The following FSHR variants were observed in gnomAD, a reference collection of about 807,000 sequenced individuals.
FSHR encodes follicle stimulating hormone receptor.
A neutral mutation model predicts 52.1 loss-of-function variants in FSHR; 46 were observed. The ratio of observed to expected loss-of-function variants is 0.88; its 90% CI spans 0.70 to 1.13. The LOEUF (loss-of-function observed/expected upper bound fraction) is 1.13. FSHR is among the 50% of genes most tolerant of loss of function. The pLI is 0.00. For synonymous variants in FSHR, 399 were observed against 309.6 expected, an observed-to-expected ratio of 1.29 and a Z score of -3.03; for missense variants, 964 against 834.6, an observed-to-expected ratio of 1.16 and a Z score of -1.91.
intron 2 of FSHR, among the ~76,000 whole-genome samples, chr2:49,054,858 A>T (rs1669000859): frequency 6.6e-6 from 1 of 152,102 alleles, no homozygotes; most frequent in Non-Finnish European, 1.5e-5. Context: ...TCACCAAAAC[A>T]ACACCCCAAG....
At chr2:48,969,753 G>T (rs1674653823) in intron 8 of FSHR, among the ~76,000 whole-genome samples, 1 of 152,216 alleles carries the variant, frequency 6.6e-6, no homozygotes, top group Non-Finnish European at 1.5e-5. Context: ...CAAATGACCA[G>T]TTTAACCAGG....
At chr2:48,966,090 T>G (rs1439163255) in intron 9 of FSHR, among the ~76,000 whole-genome samples, 1 of 152,076 alleles carries the variant, frequency 6.6e-6, no homozygotes, top group African/African-American at 2.4e-5. Flanking sequence ...TCTCTGAGCC[T>G]TAGTTTCTGT....
intron 1 of FSHR, among the ~76,000 whole-genome samples, chr2:49,108,304 C>A (rs959626977): frequency 6.6e-6 from 1 of 152,110 alleles, no homozygotes; most frequent in African/African-American, 2.4e-5. Flanking sequence ...GATTGTGAGA[C>A]TTCTCAGCCT....
chr2:49,014,859 T>C (rs1483843855), intron 4 of FSHR: 1 of 462,988 alleles, frequency 2.2e-6, no homozygotes, highest in Non-Finnish European at 4.4e-6. Context: ...TGCCTCTTCA[T>C]GTCCTAGAGA....
At chr2:49,037,151 C>G (rs1257187392) in intron 2 of FSHR, among the ~76,000 whole-genome samples, 2 of 152,134 alleles carry the variant, frequency 1.3e-5, no homozygotes, top group African/African-American at 2.4e-5. Flanking sequence ...GGGAAAACAT[C>G]AAAGCAGTAT....
intron 2 of FSHR, among the ~76,000 whole-genome samples, chr2:49,030,271 AGTGTGTGTGTGTGTGTGTGT>A (rs141079184): frequency 3.6e-5 from 5 of 140,374 alleles, no homozygotes; most frequent in Admixed American, 1.4e-4. Flanking sequence ...AGGAATAGCA[AGTGTGTGTGTGTGTGTGTGT>A]GTGTGTGTGT....
intron 1 of FSHR, among the ~76,000 whole-genome samples, chr2:49,134,804 C>G (rs922111126): frequency 6.6e-6 from 1 of 152,048 alleles, no homozygotes; most frequent in African/African-American, 2.4e-5. Flanking sequence ...TCTCAGTAAA[C>G]TATCGCAAGA....
intron 3 of FSHR, 22 bp downstream of exon 3, chr2:49,020,064 A>C: frequency 6.2e-7 from 1 of 1,606,890 alleles, no homozygotes. Flanking sequence ...CCATGAGCAA[A>C]TCCCCCAATC....
intron 2 of FSHR, among the ~76,000 whole-genome samples, chr2:49,053,344 A>G (rs1464347192): frequency 6.6e-6 from 1 of 152,186 alleles, no homozygotes; most frequent in Admixed American, 6.5e-5. Context: ...TTATAATAAC[A>G]CATAGATGTG....
intron 8 of FSHR, among the ~76,000 whole-genome samples, chr2:48,975,355 C>A (rs1010332383): frequency 6.6e-6 from 1 of 151,970 alleles, no homozygotes; most frequent in Non-Finnish European, 1.5e-5. Flanking sequence ...CATCAATTTC[C>A]CTGGTTCTCA....
At chr2:49,038,166 A>G (rs1389610290) in intron 2 of FSHR, among the ~76,000 whole-genome samples, 5 of 152,218 alleles carry the variant, frequency 3.3e-5, no homozygotes, top group Non-Finnish European at 7.3e-5. Context: ...CAGACATGCA[A>G]TAACTGAAGA....
chr2:49,127,892 CTTCTTCTTT>C (rs1672117683), intron 1 of FSHR, among the ~76,000 whole-genome samples: 1 of 24,118 alleles, frequency 4.1e-5, no homozygotes, highest in Admixed American at 5.5e-4. Flanking sequence ...TCTTCTTCTT[CTTCTTCTTT>C]TTTTTTTTTG....
At position 49,132,922 on chromosome 2, in the gene FSHR, G is replaced by A. The variant is rs1035031147; in HGVS notation, c.152+21344C>T. Among the ~76,000 whole-genome samples the A allele has an allele frequency of 2.7e-4, 24 of 90,202 alleles. No individual in the cohort carries two copies. The Admixed American group carries it at 3.1e-3, about 12-fold the overall frequency. 59.2% of individuals were successfully genotyped at this position (90,202 alleles called of 152,430 possible). A position where few individuals can be genotyped will look rare whatever the true frequency, so the allele number is the denominator to read the frequency against. ...TCTTGAAATGGTCCTAAGGGCAAAA[G>A]AGTAAATAAGAACACATTTATTCAA... On this transcript the variant is annotated intron_variant, in intron 1 of 9. Coordinates refer to ENST00000406846, the MANE Select transcript of FSHR (RefSeq NM_000145.4).
chr2:49,135,447 T>G (rs569564486), intron 1 of FSHR, among the ~76,000 whole-genome samples: 3 of 152,146 alleles, frequency 2.0e-5, no homozygotes, highest in African/African-American at 7.2e-5. Context: ...ACTAAACTTA[T>G]GGAATCCAGC....
chr2:49,135,124 C>T (rs1158671624), intron 1 of FSHR, among the ~76,000 whole-genome samples: 1 of 151,918 alleles, frequency 6.6e-6, no homozygotes, highest in Non-Finnish European at 1.5e-5. Context: ...ACCTAACAGA[C>T]ATGTATATAG....
At chr2:49,015,571 T>C (rs927740942) in intron 4 of FSHR, among the ~76,000 whole-genome samples, 2 of 152,188 alleles carry the variant, frequency 1.3e-5, no homozygotes, top group African/African-American at 2.4e-5. Flanking sequence ...GGAGTCAGGA[T>C]GAAGACCTAG....
intron 1 of FSHR, among the ~76,000 whole-genome samples, chr2:49,087,695 G>T (rs1269948141): frequency 6.6e-6 from 1 of 152,184 alleles, no homozygotes; most frequent in South Asian, 2.1e-4. Flanking sequence ...TAGTTGGGTG[G>T]TAGATGGATG....
In FSHR at chr2:49,004,457, A is replaced by C. The variant is rs959666243; in HGVS notation, c.374+13032T>G. On this transcript the variant is annotated intron_variant, in intron 4 of 9. Transcript: ENST00000406846. Reference sequence around the variant, plus strand: ...GCAGAATCACTTCCTCTTTCCATACAGGGCCCCTCGTGTGGGGCCTGAATA... The same window carrying C: ...GCAGAATCACTTCCTCTTTCCATACCGGGCCCCTCGTGTGGGGCCTGAATA... 5.9e-5 allele frequency among the ~76,000 whole-genome samples: 9 copies of C among 152,312 alleles called. No homozygotes were observed. In the East Asian group the frequency reaches 1.5e-3, roughly 26 times the overall value.
chr2:49,126,335 G>T (rs919648149), intron 1 of FSHR, among the ~76,000 whole-genome samples: 1 of 149,704 alleles, frequency 6.7e-6, no homozygotes, highest in Admixed American at 6.7e-5. Flanking sequence ...GGGGGGGAGA[G>T]AGAGAGGGGG....
Sources: allele counts gnomAD v4.1 joint callset (sites outside exome capture counted in the v4.1 genomes callset), GRCh38; gene constraint gnomAD v4.1.1; transcripts MANE v1.5; gene names NCBI Gene and HGNC (gene_info 2026-07-23, HGNC 2026-07-21).